The following DNM3 variants were observed in gnomAD, a reference collection of about 807,000 sequenced individuals.
DNM3 encodes dynamin 3.
In DNM3, 47 loss-of-function variants were observed where a neutral mutation model predicts 101.6. The observed-to-expected ratio is 0.46, with a 90% CI of 0.37 to 0.59. The LOEUF is 0.59. Among genes scored for constraint, DNM3 ranks in the 20% least tolerant of loss-of-function variants. DNM3 has a pLI of 0.00. For missense variants in DNM3, 849 were observed against 1,085.7 expected, an observed-to-expected ratio of 0.78 and a Z score of 3.06; for synonymous variants, 385 against 387.9, an observed-to-expected ratio of 0.99 and a Z score of 0.09.
At position 172,316,951 on chromosome 1, in the gene DNM3, G is replaced by A. The variant is rs544013808; in HGVS notation, c.1882-6378G>A. On this transcript the variant is annotated intron_variant, in intron 16 of 20. Transcript: ENST00000627582. ...TAGAATATACATTTTTTTCAGCACC[G>A]CACCACACCTATTCCAAAATTGACC... 2.7e-4 allele frequency among the ~76,000 whole-genome samples: 41 copies of A among 151,938 alleles called. No homozygotes were observed. In the South Asian group the frequency reaches 5.4e-3, roughly 20 times the overall value.
rs538629126 is a variant in DNM3, at chr1:172,164,703, A to G, written c.1659+33415A>G. Among the ~76,000 whole-genome samples, 20 of 152,158 alleles carry G rather than the reference A, an allele frequency of 1.3e-4. No individual in the cohort carries two copies. The South Asian group carries it at 3.3e-3, about 25-fold the overall frequency. On this transcript the variant is annotated intron_variant, in intron 14 of 20. Coordinates refer to ENST00000627582, the MANE Select transcript of DNM3 (RefSeq NM_015569.5). ...GACGGTGTAAACCAGAGGGACAGCT[A>G]TGCCTGTGTGTGCTGATCTTTTCCT...
chr1:171,912,619 G>T (rs924869265), intron 1 of DNM3, among the ~76,000 whole-genome samples: 39 of 152,078 alleles, frequency 2.6e-4, no homozygotes, highest in African/African-American at 9.2e-4. Context: ...GAAGAGGAAG[G>T]GTAAAAGTTA....
At chr1:171,878,998 T>C (rs1455479753) in intron 1 of DNM3, among the ~76,000 whole-genome samples, 1 of 152,246 alleles carries the variant, frequency 6.6e-6, no homozygotes, top group Admixed American at 6.5e-5. Context: ...CCCCTATGTT[T>C]TCTGTCAGAG....
intron 1 of DNM3, among the ~76,000 whole-genome samples, chr1:171,919,737 A>G (rs2040006590): frequency 6.6e-6 from 1 of 152,238 alleles, no homozygotes; most frequent in South Asian, 2.1e-4. Flanking sequence ...GTATTTAGTT[A>G]TATGTATTTA....
At chr1:171,880,372 G>T (rs370845892) in intron 1 of DNM3, among the ~76,000 whole-genome samples, 1 of 152,304 alleles carries the variant, frequency 6.6e-6, no homozygotes, top group African/African-American at 2.4e-5. Context: ...CTATGTATTT[G>T]TAGCTTGAAT....
At chr1:172,172,450 A>C (rs1210282527) in intron 14 of DNM3, among the ~76,000 whole-genome samples, 1 of 151,730 alleles carries the variant, frequency 6.6e-6, no homozygotes, top group African/African-American at 2.4e-5. Context: ...TTCATATCCC[A>C]GGTGGGATGA....
At chr1:172,378,943 T>A (rs771467725) in intron 17 of DNM3, 75 bp from the exon 18 acceptor site, 9 of 1,465,188 alleles carry the variant, frequency 6.1e-6, no homozygotes, top group Middle Eastern at 1.8e-4. Flanking sequence ...AAGTTGATAA[T>A]CTGATAACGA....
chr1:171,919,102 C>G lies in DNM3; in HGVS notation c.162-2646C>G, dbSNP rs2039953617. 1.3e-5 allele frequency among the ~76,000 whole-genome samples: 2 copies of G among 152,086 alleles called. 1 individual carries two copies. Among genetic ancestry groups the G allele is most frequent in the Admixed American group, 1.3e-4 (2 of 15,250 alleles). On this transcript the variant is annotated intron_variant, in intron 1 of 20. Transcript: ENST00000627582. ...ACATCCTAAAATTTCACTCATGGTC[C>G]TCACGGCTCAAACAGATGCCCTCCA...
chr1:172,073,299 GTATA>G (rs1558525019), intron 11 of DNM3, among the ~76,000 whole-genome samples: 1 of 76,810 alleles, frequency 1.3e-5, no homozygotes, highest in Non-Finnish European at 3.9e-5. Flanking sequence ...ACACATATAA[GTATA>G]TGTGTACATA....
At chr1:171,894,741 C>T (rs760905694) in intron 1 of DNM3, among the ~76,000 whole-genome samples, 8 of 152,170 alleles carry the variant, frequency 5.3e-5, no homozygotes, top group South Asian at 2.1e-4. Context: ...TCCCAGCCCC[C>T]GACTCCCCCA....
At chr1:172,403,949 A>G (rs1336061365) in intron 20 of DNM3, among the ~76,000 whole-genome samples, 1 of 152,222 alleles carries the variant, frequency 6.6e-6, no homozygotes, top group African/African-American at 2.4e-5. Context: ...GAACTTTAAC[A>G]GTAAACTTTA....
At chr1:171,928,682 G>A (rs959017026) in intron 2 of DNM3, among the ~76,000 whole-genome samples, 1 of 152,162 alleles carries the variant, frequency 6.6e-6, no homozygotes, top group Non-Finnish European at 1.5e-5. Context: ...CCACTGCAGA[G>A]GCAGTGGCAG....
intron 14 of DNM3, among the ~76,000 whole-genome samples, chr1:172,214,361 G>T: frequency 6.6e-6 from 1 of 151,960 alleles, no homozygotes; most frequent in East Asian, 1.9e-4. Context: ...GAGTTAATGG[G>T]TGCAGCACAC....
intron 14 of DNM3, among the ~76,000 whole-genome samples, chr1:172,133,591 A>C (rs2057057158): frequency 6.6e-6 from 1 of 152,146 alleles, no homozygotes. Context: ...TGTTCTATGG[A>C]GCTAACAAGC....
intron 15 of DNM3, among the ~76,000 whole-genome samples, chr1:172,275,838 A>T (rs1211734986): frequency 6.6e-6 from 1 of 152,114 alleles, no homozygotes; most frequent in Non-Finnish European, 1.5e-5. Flanking sequence ...GTATTTCCTT[A>T]CTGAAGTGTT....
At chr1:172,358,632 C>G (rs557970559) in intron 17 of DNM3, among the ~76,000 whole-genome samples, 2 of 152,186 alleles carry the variant, frequency 1.3e-5, no homozygotes, top group African/African-American at 4.8e-5. Flanking sequence ...CTGACTGAAA[C>G]AGCAGAGTAA....
chr1:172,044,250 A>G (rs2049604919), intron 8 of DNM3, 135 bp from the exon 9 acceptor site: 1 of 713,198 alleles, frequency 1.4e-6, no homozygotes, highest in Non-Finnish European at 2.3e-6. Flanking sequence ...TGTTTTGACC[A>G]TCTGGGTTTA....
At chr1:172,247,611 C>G (rs1480398912) in intron 14 of DNM3, among the ~76,000 whole-genome samples, 1 of 151,478 alleles carries the variant, frequency 6.6e-6, no homozygotes, top group Non-Finnish European at 1.5e-5. Context: ...CCATTAGCGG[C>G]TTTTTCGTAT....
At chr1:172,047,327 A>G (rs1188361997) in intron 9 of DNM3, among the ~76,000 whole-genome samples, 2 of 152,132 alleles carry the variant, frequency 1.3e-5, no homozygotes, top group Non-Finnish European at 2.9e-5. Context: ...AATGTGAAAT[A>G]GAATGCTGGG....
Sources: allele counts gnomAD v4.1 joint callset (sites outside exome capture counted in the v4.1 genomes callset), GRCh38; gene constraint gnomAD v4.1.1; transcripts MANE v1.5; gene names NCBI Gene and HGNC (gene_info 2026-07-23, HGNC 2026-07-21).